Variants in EDN1 observed in about 807,000 individuals in gnomAD.
EDN1 encodes the protein endothelin-1.
Under a neutral mutation model 21.7 loss-of-function variants are expected in EDN1, and 11 were observed. That is an observed-to-expected ratio of 0.51 (90% CI 0.32 to 0.84). The LOEUF (loss-of-function observed/expected upper bound fraction) is 0.84, where lower values mean the gene tolerates loss of function less well. Ranked by LOEUF, EDN1 falls within the 40% of genes least tolerant of loss-of-function variation. The pLI is 0.03. For missense variants in EDN1, 244 were observed against 262.3 expected (o/e 0.93, Z 0.48); for synonymous variants, 85 against 90.6 (o/e 0.94, Z 0.35).
At chr6:12,289,254 C>G (rs948704230), upstream of EDN1, among the ~76,000 whole-genome samples, 6 of 152,150 alleles carry the variant, frequency 3.9e-5, no homozygotes, top group African/African-American at 1.4e-4. Flanking sequence ...GCACCACCTT[C>G]CTTGCATATT....
chr6:12,268,002 A>T, the EDN1 span, among the ~76,000 whole-genome samples: 1 of 152,216 alleles, frequency 6.6e-6, no homozygotes, highest in Admixed American at 6.5e-5. Flanking sequence ...ATCTATTTAC[A>T]GCATTATTTA....
rs1330696082 is a variant in EDN1 at position 12,290,793 on chromosome 6, A to G, written c.64+100A>G. On this transcript the variant is annotated intron_variant, in intron 1 of 4. Transcript: ENST00000379375. ...GCTTCTATTTTTCCCCGTTCTTTTT[A>G]TGACTGCAGCTTAGAGAGCAAGTGT... is the stretch of plus-strand genomic sequence containing the variant. The G allele has an allele frequency of 8.6e-6, 9 of 1,040,512 alleles. No homozygotes were observed. In the South Asian group the frequency reaches 1.0e-4, roughly 12 times the overall value. The allele number at this position is 1,040,512 out of a possible 1,614,324, so 64.5% of individuals were successfully genotyped here.
chr6:12,243,553 GTCTT>G, the EDN1 span, among the ~76,000 whole-genome samples: 1 of 152,190 alleles, frequency 6.6e-6, no homozygotes, highest in South Asian at 2.1e-4. Context: ...CAAGTCCTGT[GTCTT>G]TCAACCCAAT....
chr6:12,291,439 C>T (rs1190884726), intron 1 of EDN1, among the ~76,000 whole-genome samples: 2 of 152,110 alleles, frequency 1.3e-5, no homozygotes, highest in African/African-American at 4.8e-5. Context: ...TGCCCGGGTC[C>T]CCCCCGTTTT....
At chr6:12,283,363 G>A in the EDN1 span, among the ~76,000 whole-genome samples, 1 of 152,154 alleles carries the variant, frequency 6.6e-6, no homozygotes. Flanking sequence ...CTCTTGGAAA[G>A]AAGAGAAGAA....
chr6:12,286,166 A>G (rs1488501304), upstream of EDN1, among the ~76,000 whole-genome samples: 1 of 152,244 alleles, frequency 6.6e-6, no homozygotes, highest in Non-Finnish European at 1.5e-5. Context: ...ACTTTGGGAA[A>G]TGCTAGATTA....
At chr6:12,287,816 A>G (rs2113789747), upstream of EDN1, among the ~76,000 whole-genome samples, 1 of 150,888 alleles carries the variant, frequency 6.6e-6, no homozygotes, top group Non-Finnish European at 1.5e-5. Flanking sequence ...AGACAGGGGC[A>G]CCATTATATT....
At chr6:12,235,782 T>C in the EDN1 span, among the ~76,000 whole-genome samples, 1 of 152,368 alleles carries the variant, frequency 6.6e-6, no homozygotes, top group Non-Finnish European at 1.5e-5. Context: ...ATGTGGCCAG[T>C]AAGACTGGAC....
At chr6:12,264,644 A>G in the EDN1 span, among the ~76,000 whole-genome samples, 35,852 of 152,058 alleles carry the variant, frequency 0.24, 4,877 homozygotes, top group East Asian at 0.57. Context: ...AAAAAACTCA[A>G]TGTTTTAAGA....
At chr6:12,242,434 C>G in the EDN1 span, among the ~76,000 whole-genome samples, 1 of 152,166 alleles carries the variant, frequency 6.6e-6, no homozygotes, top group Non-Finnish European at 1.5e-5. Flanking sequence ...TCTGCCTCTG[C>G]TACTTTGTGA....
upstream of EDN1, among the ~76,000 whole-genome samples, chr6:12,287,685 C>T (rs1267048632): frequency 8.3e-6 from 1 of 120,798 alleles, no homozygotes; most frequent in Non-Finnish European, 1.7e-5. Context: ...CTCTCTCTCT[C>T]TCCCTCTCTC....
the EDN1 span, among the ~76,000 whole-genome samples, chr6:12,275,029 C>T: frequency 2.9e-5 from 4 of 139,046 alleles, no homozygotes; most frequent in Non-Finnish European, 4.6e-5. Flanking sequence ...TTCTTTTCCC[C>T]CAAAGACCCC....
the EDN1 span, among the ~76,000 whole-genome samples, chr6:12,281,889 T>C: frequency 6.6e-6 from 1 of 152,132 alleles, no homozygotes; most frequent in East Asian, 1.9e-4. Flanking sequence ...ATTTTCTATC[T>C]AGGGTTTTGA....
the EDN1 span, among the ~76,000 whole-genome samples, chr6:12,270,610 A>G: frequency 3.3e-5 from 5 of 152,130 alleles, no homozygotes; most frequent in Admixed American, 6.5e-5. Flanking sequence ...ACTGATTTCT[A>G]ATTTTCTTCC....
At chr6:12,249,903 C>T in the EDN1 span, among the ~76,000 whole-genome samples, 2 of 151,944 alleles carry the variant, frequency 1.3e-5, no homozygotes, top group African/African-American at 2.4e-5. Flanking sequence ...CCAGAGACTG[C>T]CAGAACCACG....
chr6:12,238,523 C>T, the EDN1 span, among the ~76,000 whole-genome samples: 1 of 152,146 alleles, frequency 6.6e-6, no homozygotes, highest in Non-Finnish European at 1.5e-5. Flanking sequence ...TGTCAGAGAA[C>T]CAGCTGTGAA....
At chr6:12,253,858 A>G in the EDN1 span, among the ~76,000 whole-genome samples, 329 of 152,192 alleles carry the variant, frequency 2.2e-3, 1 homozygote, top group South Asian at 7.2e-3. Flanking sequence ...GTCCCTGCGC[A>G]CACCCAATCT....
At chr6:12,267,655 C>T in the EDN1 span, among the ~76,000 whole-genome samples, 3 of 152,244 alleles carry the variant, frequency 2.0e-5, no homozygotes, top group East Asian at 5.8e-4. Context: ...AAGCAGCAAG[C>T]GTTAATGTAG....
At chr6:12,294,750 C>A (rs1762778084) in intron 4 of EDN1, among the ~76,000 whole-genome samples, 1 of 152,032 alleles carries the variant, frequency 6.6e-6, no homozygotes, top group South Asian at 2.1e-4. Flanking sequence ...ACCACTTTCC[C>A]TGAGAAATCG....
Sources: gnomAD v4.1 joint callset for allele counts (sites outside exome capture counted in the v4.1 genomes callset) on GRCh38, gnomAD v4.1.1 for gene constraint, MANE v1.5 for transcripts, NCBI Gene and HGNC (gene_info 2026-07-23, HGNC 2026-07-21) for gene names.